Variants in ESRRG observed in about 807,000 individuals in gnomAD.
The protein encoded by ESRRG is estrogen related receptor gamma, also known as estrogen-related receptor gamma.
ESRRG carries 13 observed loss-of-function variants against 44.0 expected under a neutral mutation model. The ratio of observed to expected loss-of-function variants is 0.30; its 90% confidence interval spans 0.19 to 0.47. The LOEUF is 0.47. ESRRG is among the 20% of genes least tolerant of loss of function. The pLI is 1.00. For synonymous variants in ESRRG, 215 were observed against 214.6 expected (o/e 1.00, Z -0.02); for missense variants, 395 against 580.6 (o/e 0.68, Z 3.29).
chr1:217,079,670 A>C (rs948181338), intron 1 of ESRRG, among the ~76,000 whole-genome samples: 1 of 152,302 alleles, frequency 6.6e-6, no homozygotes, highest in Non-Finnish European at 1.5e-5. Flanking sequence ...TGGAGACACT[A>C]TAACTACCAT....
intron 1 of ESRRG, among the ~76,000 whole-genome samples, chr1:216,978,480 T>C (rs748023559): frequency 1.3e-5 from 2 of 152,128 alleles, no homozygotes; most frequent in Non-Finnish European, 2.9e-5. Context: ...AGAATAAAAT[T>C]TAATCTAGTC....
At position 216,985,064 on chromosome 1, in the gene ESRRG, G is replaced by A. The variant is rs1466462846; in HGVS notation, c.-105-45391C>T. 3.9e-5 allele frequency among the ~76,000 whole-genome samples: 6 copies of A among 152,330 alleles called. No individual in the cohort carries two copies. The East Asian group carries it at 1.2e-3, about 29-fold the overall frequency. On this transcript the variant is annotated intron_variant, in intron 1 of 7. Coordinates refer to the ESRRG transcript ENST00000359162. ...TTCAGAATCACGGCTGGGTTTGCCAGTATGGAACCCCTTTATGGCAGGTGC... is the reference window on the plus strand; with the variant it reads ...TTCAGAATCACGGCTGGGTTTGCCAATATGGAACCCCTTTATGGCAGGTGC...
chr1:216,748,584 C>T (rs577283171), intron 2 of ESRRG, among the ~76,000 whole-genome samples: 1 of 152,230 alleles, frequency 6.6e-6, no homozygotes, highest in South Asian at 2.1e-4. Flanking sequence ...ACAGAAACCT[C>T]TTATTTCTCT....
At chr1:217,002,381 A>G (rs1446715286) in intron 1 of ESRRG, among the ~76,000 whole-genome samples, 1 of 151,966 alleles carries the variant, frequency 6.6e-6, no homozygotes, top group Non-Finnish European at 1.5e-5. Flanking sequence ...TGCACATTGT[A>G]TAATATTTAT....
intron 2 of ESRRG, among the ~76,000 whole-genome samples, chr1:216,821,944 C>T (rs1330082040): frequency 6.6e-6 from 1 of 151,802 alleles, no homozygotes; most frequent in Non-Finnish European, 1.5e-5. Flanking sequence ...GCTTGGGATG[C>T]TGACCTCCAT....
At chr1:216,610,113 A>T (rs1283441002) in intron 3 of ESRRG, among the ~76,000 whole-genome samples, 1 of 152,056 alleles carries the variant, frequency 6.6e-6, no homozygotes, top group Non-Finnish European at 1.5e-5. Context: ...GTGGTCATAC[A>T]TTTAGCAATA....
chr1:217,021,049 T>TACACAC (rs10655764), intron 1 of ESRRG, among the ~76,000 whole-genome samples: 34,766 of 145,218 alleles, frequency 0.24, 4,283 homozygotes, highest in Middle Eastern at 0.41. Context: ...CTGCCATGCA[T>TACACAC]ACACACACAC....
chr1:217,129,481 CTT>C (rs1264923959), intron 1 of ESRRG, among the ~76,000 whole-genome samples: 1 of 152,148 alleles, frequency 6.6e-6, no homozygotes, highest in Non-Finnish European at 1.5e-5. Flanking sequence ...TTAAACAAAA[CTT>C]TGTACACAGG....
At chr1:217,067,749 A>G (rs2089970323) in intron 1 of ESRRG, among the ~76,000 whole-genome samples, 2 of 152,328 alleles carry the variant, frequency 1.3e-5, no homozygotes, top group African/African-American at 2.4e-5. Flanking sequence ...TTAGGATCTT[A>G]CTTAACTGAT....
intron 2 of ESRRG, among the ~76,000 whole-genome samples, chr1:216,663,239 C>A (rs935740098): frequency 6.6e-5 from 10 of 152,022 alleles, no homozygotes; most frequent in African/African-American, 1.9e-4. Context: ...AGTGAAGATG[C>A]TCTGGAGGCA....
intron 2 of ESRRG, among the ~76,000 whole-genome samples, chr1:216,671,715 A>G (rs891660339): frequency 6.6e-6 from 1 of 152,174 alleles, no homozygotes; most frequent in African/African-American, 2.4e-5. Flanking sequence ...TTAAAATCTC[A>G]TATTTTTAAA....
chr1:216,701,923 A>G (rs1178139071), intron 1 of ESRRG, among the ~76,000 whole-genome samples: 7 of 152,242 alleles, frequency 4.6e-5, no homozygotes, highest in African/African-American at 1.4e-4. Context: ...TAAACTGTCA[A>G]TGGCAAATTT....
chr1:216,878,001 T>A lies in ESRRG; in HGVS notation c.-14+61581A>T, dbSNP rs562259398. Among the ~76,000 whole-genome samples the A allele has an allele frequency of 1.2e-4, 18 of 152,320 alleles. No homozygotes were observed. In the South Asian group the frequency reaches 3.7e-3, roughly 32 times the overall value. On this transcript the variant is annotated intron_variant, in intron 2 of 7. Coordinates refer to the ESRRG transcript ENST00000359162. ...TGTGAGAAGTTCTTTGGGAGGCATA[T>A]CAGGAATAAAACTGCTGGGTCATGC...
intron 2 of ESRRG, among the ~76,000 whole-genome samples, chr1:216,912,186 G>GAAGAGA (rs1560083472): frequency 3.1e-4 from 4 of 12,758 alleles, no homozygotes; most frequent in East Asian, 2.7e-3. Flanking sequence ...AAAAGAAAAG[G>GAAGAGA]AGAGGAGAGG....
chr1:216,715,904 T>C (rs557206306), intron 1 of ESRRG, among the ~76,000 whole-genome samples: 3 of 152,158 alleles, frequency 2.0e-5, no homozygotes, highest in East Asian at 3.9e-4. Context: ...GAATTATCAT[T>C]TACAAAGGTA....
chr1:216,703,297 T>A (rs1442216339), intron 1 of ESRRG, among the ~76,000 whole-genome samples: 1 of 152,158 alleles, frequency 6.6e-6, no homozygotes, highest in Non-Finnish European at 1.5e-5. Context: ...TGATAACTGA[T>A]GATCTTTAAA....
At chr1:217,010,089 G>C (rs2078346374) in intron 1 of ESRRG, among the ~76,000 whole-genome samples, 1 of 152,054 alleles carries the variant, frequency 6.6e-6, no homozygotes, top group African/African-American at 2.4e-5. Flanking sequence ...TTTTATTGAT[G>C]GAGTACAATA....
chr1:216,563,770 A>G (rs542996145), intron 5 of ESRRG, among the ~76,000 whole-genome samples: 2 of 152,332 alleles, frequency 1.3e-5, no homozygotes, highest in East Asian at 3.9e-4. Context: ...AGCCAAAGCA[A>G]AGCTTGTGAA....
rs529370271 is a variant in ESRRG at position 216,958,837 on chromosome 1, G to A, written c.-105-19164C>T. 3.0e-4 allele frequency among the ~76,000 whole-genome samples: 46 copies of A among 152,162 alleles called. No individual in the cohort carries two copies. The Middle Eastern group carries it at 0.01, about 34-fold the overall frequency. ...GCAACCAATCACCAGACCTCTCAGA[G>A]CTCCTGTTCCCTCTGCAGGGATTTT... On this transcript the variant is annotated intron_variant, in intron 1 of 7. Coordinates refer to the ESRRG transcript ENST00000359162.
Sources: allele counts gnomAD v4.1 joint callset (sites outside exome capture counted in the v4.1 genomes callset), GRCh38; gene constraint gnomAD v4.1.1; transcripts MANE v1.5; gene names NCBI Gene and HGNC (gene_info 2026-07-23, HGNC 2026-07-21).